The following DPEP1 variants were observed in gnomAD, a reference collection of about 807,000 sequenced individuals.
The protein encoded by DPEP1 is dipeptidase 1.
A neutral mutation model predicts 42.3 loss-of-function variants in DPEP1; 50 were observed. That is an observed-to-expected ratio of 1.18 (90% CI 0.94 to 1.50). The LOEUF is 1.50. DPEP1 is among the 40% of genes most tolerant of loss of function. The probability of loss-of-function intolerance (pLI) is 0.00; values close to 1 mark genes in which losing one functional copy is unlikely to be tolerated. For synonymous variants in DPEP1, 297 were observed against 234.0 expected (o/e 1.27, Z -2.46); for missense variants, 663 against 553.0 (o/e 1.20, Z -1.99).
intron 2 of DPEP1, 134 bp from the exon 3 acceptor site, chr16:89,635,774 G>T (rs527814924): frequency 1.6e-6 from 2 of 1,246,884 alleles, no homozygotes; most frequent in African/African-American, 1.5e-5. Flanking sequence ...TGTCACCCCC[G>T]CGGCCTAGAC....
At chr16:89,620,331 G>C (rs2059433188) in intron 1 of DPEP1, among the ~76,000 whole-genome samples, 1 of 152,084 alleles carries the variant, frequency 6.6e-6, no homozygotes, top group South Asian at 2.1e-4. Context: ...GAGACTCTCT[G>C]GGCTCGTTGG....
chr16:89,622,062 C>T (rs532409184), intron 1 of DPEP1, among the ~76,000 whole-genome samples: 1 of 152,286 alleles, frequency 6.6e-6, no homozygotes, highest in East Asian at 1.9e-4. Flanking sequence ...CGAGTCAGCA[C>T]CACCCTGTGA....
downstream of DPEP1, among the ~76,000 whole-genome samples, chr16:89,639,238 C>T (rs1314271743): frequency 1.8e-5 from 1 of 54,718 alleles, no homozygotes; most frequent in African/African-American, 8.7e-5. Flanking sequence ...CCCCTGCACG[C>T]ACACACCGCA....
chr16:89,631,035 T>G (rs2059581217), intron 2 of DPEP1, among the ~76,000 whole-genome samples: 1 of 152,048 alleles, frequency 6.6e-6, no homozygotes, highest in Non-Finnish European at 1.5e-5. Flanking sequence ...GGTCTGAGCC[T>G]GCGGACGTGG....
rs549949326 is a variant in DPEP1, at chr16:89,617,831, C to G, written c.-107+4112C>G. Among the ~76,000 whole-genome samples, 4 of 126,812 alleles carry G rather than the reference C, an allele frequency of 3.2e-5. No homozygotes were observed. In the Admixed American group the frequency reaches 3.3e-4, roughly 10 times the overall value. The allele number at this position is 126,812 out of a possible 152,430, so 83.2% of individuals were successfully genotyped here. ...TTGAGGTCAGGAGTTTGAGACTAGC[C>G]TGGCCAACATGGTGAAACCCCATCT... is the stretch of plus-strand genomic sequence containing the variant. On this transcript the variant is annotated intron_variant, in intron 1 of 10. Transcript: ENST00000690203.
At position 89,638,388 on chromosome 16, in the gene DPEP1, GGA is replaced by G; in HGVS notation, c.*167_*168del. ...GGGCAGGATGCCTGGGGACAGTTCA[GGA>G]CACACACACAGTAGGCCCGCAATAA... is the stretch of plus-strand genomic sequence containing the variant. On this transcript the variant is annotated 3_prime_UTR_variant, in exon 11 of 11. Transcript: ENST00000690203. The G allele has an allele frequency of 2.8e-6, 4 of 1,405,334 alleles. No individual in the cohort carries two copies. The South Asian group carries it at 5.0e-5, about 18-fold the overall frequency. 87.1% of individuals were successfully genotyped at this position (1,405,334 alleles called of 1,614,324 possible).
At position 89,630,797 on chromosome 16, in the gene DPEP1, C is replaced by T. The variant is rs575947730; in HGVS notation, c.104+283C>T. On this transcript the variant is annotated intron_variant, in intron 2 of 10. Coordinates refer to ENST00000690203, the MANE Select transcript of DPEP1 (RefSeq NM_001389466.1). ...GGCTGGGGGAGCTGGGGGTGAGACT[C>T]GTGTGTGCTTGGCTTGGGGCTCAGT... is the stretch of plus-strand genomic sequence containing the variant. Among the ~76,000 whole-genome samples, 280 of 148,132 alleles carry T rather than the reference C, an allele frequency of 1.9e-3. 4 individuals are homozygous for T. Among genetic ancestry groups the T allele is most frequent in the Admixed American group, 0.015 (215 of 14,784 alleles).
At chr16:89,630,879 G>A (rs1321196263) in intron 2 of DPEP1, among the ~76,000 whole-genome samples, 11 of 151,974 alleles carry the variant, frequency 7.2e-5, no homozygotes, top group African/African-American at 2.4e-4. Context: ...CAGCTTCTGC[G>A]ACGGTGCCGG....
In DPEP1 at chr16:89,630,703, G is replaced by T. The variant is rs1217102534; in HGVS notation, c.104+189G>T. Among the ~76,000 whole-genome samples the T allele has an allele frequency of 4.1e-4, 42 of 102,180 alleles. 1 individual carries two copies. The South Asian group carries it at 9.0e-3, about 22-fold the overall frequency. The allele number at this position is 102,180 out of a possible 152,430, so 67.0% of individuals were successfully genotyped here. A position where few individuals can be genotyped will look rare whatever the true frequency, so the allele number is the denominator to read the frequency against. On this transcript the variant is annotated intron_variant, in intron 2 of 10. Coordinates refer to ENST00000690203, the MANE Select transcript of DPEP1 (RefSeq NM_001389466.1). ...GCCGGGGCTGGGGGTGCCGGGGCTG[G>T]GGGAGCCGGGGCTGGGGGTGCCGGG...
At chr16:89,620,285 G>A (rs3764253) in intron 1 of DPEP1, among the ~76,000 whole-genome samples, 10,696 of 151,816 alleles carry the variant, frequency 0.07, 555 homozygotes, top group East Asian at 0.21. Context: ...GTCTGCCAGT[G>A]GGGGGGACAC....
intron 2 of DPEP1, among the ~76,000 whole-genome samples, chr16:89,634,085 C>CTCCTT (rs2059626556): frequency 2.1e-5 from 2 of 97,006 alleles, no homozygotes; most frequent in Admixed American, 1.2e-4. Flanking sequence ...TTTCTCTTCT[C>CTCCTT]TTCTTCTTTT....
rs917981287 is a variant in DPEP1 at position 89,636,275 on chromosome 16, G to A, written c.249G>A (p.Val83=). The change falls in exon 4 of 11, where the codon GTG becomes GTA. Residue 83 remains valine, a synonymous_variant. Coordinates refer to ENST00000690203, the MANE Select transcript of DPEP1 (RefSeq NM_001389466.1). The part of the protein sequence containing the change: ...AGFVGGQFWS[V]YTPCDTQNKD... Reference sequence around the variant, plus strand: ...CCTGCGGCCCACAGTTCTGGTCCGTGTACACGCCCTGCGACACCCAGAACA... The same window carrying A: ...CCTGCGGCCCACAGTTCTGGTCCGTATACACGCCCTGCGACACCCAGAACA... 2 of 1,609,386 alleles carry A rather than the reference G, an allele frequency of 1.2e-6. No homozygotes were observed. The highest frequency in any genetic ancestry group is 1.7e-6 in the Non-Finnish European group (2 of 1,178,872).
rs1334841998 is a variant in DPEP1, at chr16:89,626,691, C to CA, written c.-106-3614_-106-3613insA. On this transcript the variant is annotated intron_variant, in intron 1 of 10. Transcript: ENST00000690203. ...TTTAAAAGTGTTTGGCAGTCCCCCC[C>CA]TCAAACTCTCTCCCCCGCTGCCATT... 4.6e-5 allele frequency among the ~76,000 whole-genome samples: 7 copies of CA among 151,882 alleles called. No individual in the cohort carries two copies. In the East Asian group the frequency reaches 7.8e-4, roughly 17 times the overall value.
downstream of DPEP1, chr16:89,640,676 T>C: frequency 1.0e-6 from 1 of 980,012 alleles, no homozygotes; most frequent in Non-Finnish European, 1.2e-6. Flanking sequence ...CCGTCTGGGA[T>C]TGGAGACTCG....
chr16:89,625,669 C>G (rs996043192), intron 1 of DPEP1, among the ~76,000 whole-genome samples: 112 of 152,218 alleles, frequency 7.4e-4, no homozygotes, highest in African/African-American at 2.6e-3. Flanking sequence ...CAGTGTAGGG[C>G]AGGAGAAGAA....
At chr16:89,641,330 G>A (rs1399167823), downstream of DPEP1, among the ~76,000 whole-genome samples, 3 of 152,114 alleles carry the variant, frequency 2.0e-5, no homozygotes, top group South Asian at 4.1e-4. Context: ...GCTAAGTAAC[G>A]GGTGCCTTCC....
At chr16:89,621,726 G>T (rs1417582682) in intron 1 of DPEP1, among the ~76,000 whole-genome samples, 1 of 152,224 alleles carries the variant, frequency 6.6e-6, no homozygotes, top group East Asian at 1.9e-4. Context: ...ATGCACGTGT[G>T]TCTGTGTGCA....
chr16:89,636,788 G>T (rs1018166825), intron 5 of DPEP1, 78 bp from the exon 6 acceptor site: 1 of 1,602,306 alleles, frequency 6.2e-7, no homozygotes. Context: ...TGAGTCCCAG[G>T]CCGGGCCTCG....
In DPEP1 at chr16:89,630,372, C is replaced by G. The variant is rs763577454; in HGVS notation, c.-39C>G. ...GGCCAGCCAGGCCAGCACAGAGGCACCAGGGCAGCAGTGCACACAGGTCCC... is the reference window on the plus strand; with the variant it reads ...GGCCAGCCAGGCCAGCACAGAGGCAGCAGGGCAGCAGTGCACACAGGTCCC... On this transcript the variant is annotated 5_prime_UTR_variant, in exon 2 of 11. Coordinates refer to ENST00000690203, the MANE Select transcript of DPEP1 (RefSeq NM_001389466.1). The G allele has an allele frequency of 1.9e-6, 3 of 1,561,928 alleles. No homozygotes were observed. The highest frequency in any genetic ancestry group is 8.8e-7 in the Non-Finnish European group (1 of 1,138,844).
Sources: allele counts gnomAD v4.1 joint callset (sites outside exome capture counted in the v4.1 genomes callset), GRCh38; gene constraint gnomAD v4.1.1; transcripts MANE v1.5; gene names NCBI Gene and HGNC (gene_info 2026-07-23, HGNC 2026-07-21).